Variants in FHL2 observed in about 807,000 individuals in gnomAD.
FHL2 encodes four and a half LIM domains protein 2.
A neutral mutation model predicts 32.7 loss-of-function variants in FHL2; 20 were observed. The ratio of observed to expected loss-of-function variants is 0.61; its 90% confidence interval spans 0.43 to 0.89. The LOEUF is 0.89. FHL2 is among the 40% of genes least tolerant of loss of function. The pLI is 0.00. For synonymous variants in FHL2, 123 were observed against 128.1 expected, an observed-to-expected ratio of 0.96 and a Z score of 0.27; for missense variants, 311 against 358.6, an observed-to-expected ratio of 0.87 and a Z score of 1.07.
At chr2:105,361,955 A>G (rs1395412394) in intron 6 of FHL2, among the ~76,000 whole-genome samples, 1 of 152,240 alleles carries the variant, frequency 6.6e-6, no homozygotes, top group Non-Finnish European at 1.5e-5. Context: ...AGAAAGCTGC[A>G]GACAGATAGA....
chr2:105,434,140 T>C, intron 1 of FHL2, among the ~76,000 whole-genome samples: 1 of 152,372 alleles, frequency 6.6e-6, no homozygotes, highest in East Asian at 1.9e-4. Flanking sequence ...CCAAGTATTT[T>C]AAAACATTCA....
In FHL2 at chr2:105,398,970, G is replaced by A. The variant is rs773979088; in HGVS notation, c.-204C>T. The A allele has an allele frequency of 1.3e-6, 2 of 1,528,886 alleles. No homozygotes were observed. Among genetic ancestry groups the A allele is most frequent in the Admixed American group, 2.1e-5 (1 of 47,250 alleles). The allele number at this position is 1,528,886 out of a possible 1,614,324, so 94.7% of individuals were successfully genotyped here. A position where few individuals can be genotyped will look rare whatever the true frequency, so the allele number is the denominator to read the frequency against. ...GGCGCAGGGGGTTGGAGGTACTCAC[G>A]GCACCGCAGCGGGCCGGGGACTCCC... On this transcript the variant is annotated 5_prime_UTR_variant, in exon 1 of 7. Transcript: ENST00000530340.
At chr2:105,400,407 C>CT (rs1683421659), upstream of FHL2, among the ~76,000 whole-genome samples, 1 of 151,782 alleles carries the variant, frequency 6.6e-6, no homozygotes, top group African/African-American at 2.4e-5. Context: ...AAACAGGACG[C>CT]TTTCCTGAAG....
intron 1 of FHL2, among the ~76,000 whole-genome samples, chr2:105,422,463 T>G (rs778986256): frequency 3.9e-5 from 6 of 151,974 alleles, no homozygotes; most frequent in Non-Finnish European, 8.8e-5. Flanking sequence ...AAGAGAAATA[T>G]TTTTTTTATT....
intron 1 of FHL2, among the ~76,000 whole-genome samples, chr2:105,405,888 T>G (rs1683615529): frequency 6.6e-6 from 1 of 152,264 alleles, no homozygotes; most frequent in African/African-American, 2.4e-5. Flanking sequence ...AAATAAAGAA[T>G]GTACCACCTC....
intron 3 of FHL2, chr2:105,385,903 G>T (rs1337840842): frequency 4.4e-6 from 1 of 229,410 alleles, no homozygotes; most frequent in Non-Finnish European, 8.4e-6. Flanking sequence ...AATCTTCCAA[G>T]GACTTTGTGC....
At chr2:105,402,030 C>T (rs996185591), upstream of FHL2, among the ~76,000 whole-genome samples, 3 of 148,292 alleles carry the variant, frequency 2.0e-5, no homozygotes, top group Admixed American at 6.8e-5. Flanking sequence ...TATATATACA[C>T]GAATATATAT....
chr2:105,379,691 A>G (rs1369762006), intron 3 of FHL2, among the ~76,000 whole-genome samples: 1 of 151,986 alleles, frequency 6.6e-6, no homozygotes, highest in Non-Finnish European at 1.5e-5. Context: ...TCGCTTTCCA[A>G]CCTGACCCTC....
chr2:105,397,881 G>GTTTTTTT (rs749684273), intron 1 of FHL2, among the ~76,000 whole-genome samples: 8 of 116,282 alleles, frequency 6.9e-5, no homozygotes, highest in Admixed American at 1.0e-4. Flanking sequence ...TTGTTTTTTT[G>GTTTTTTT]TTTTTTGTTT....
chr2:105,369,221 G>T (rs1311775858), intron 4 of FHL2, among the ~76,000 whole-genome samples: 2 of 152,192 alleles, frequency 1.3e-5, no homozygotes, highest in Non-Finnish European at 2.9e-5. Flanking sequence ...CAGAGGGACT[G>T]CCCCGCTCCA....
chr2:105,373,870 T>A, intron 3 of FHL2, 137 bp from the exon 4 acceptor site: 1 of 725,468 alleles, frequency 1.4e-6, no homozygotes, highest in Non-Finnish European at 2.3e-6. Flanking sequence ...CCCACATTCA[T>A]GCCCCAGGAC....
intron 1 of FHL2, among the ~76,000 whole-genome samples, chr2:105,407,358 C>G (rs71417354): frequency 0.15 from 22,477 of 147,392 alleles, 2,107 homozygotes; most frequent in South Asian, 0.22. Context: ...CTCCACTGCA[C>G]TCCAGCCTGG....
At chr2:105,427,457 T>C (rs1033816809) in intron 1 of FHL2, among the ~76,000 whole-genome samples, 3 of 152,070 alleles carry the variant, frequency 2.0e-5, no homozygotes, top group Admixed American at 6.6e-5. Flanking sequence ...CTTGTGAACA[T>C]GTGGAGAGGG....
chr2:105,415,925 A>G (rs1683920393), intron 1 of FHL2, among the ~76,000 whole-genome samples: 2 of 152,228 alleles, frequency 1.3e-5, no homozygotes, highest in South Asian at 4.1e-4. Flanking sequence ...AGTGTTTTAT[A>G]CAATAGGAAT....
chr2:105,438,430 CAGCCCGATG>C (rs750017101), exon 1 of FHL2: 34 of 985,592 alleles, frequency 3.4e-5, no homozygotes, highest in Non-Finnish European at 4.1e-5. Flanking sequence ...TTCTGTCCTC[CAGCCCGATG>C]AGCAGGGACA....
At chr2:105,372,615 C>A (rs1413119622) in intron 4 of FHL2, among the ~76,000 whole-genome samples, 1 of 151,950 alleles carries the variant, frequency 6.6e-6, no homozygotes, top group Non-Finnish European at 1.5e-5. Flanking sequence ...ATGATGAAAC[C>A]CCATCTCTAC....
In FHL2 at chr2:105,398,987, GGGACTCCC is replaced by G; in HGVS notation, c.-229_-222del. 1 of 1,509,388 alleles carries G rather than the reference GGGACTCCC, an allele frequency of 6.6e-7. No individual in the cohort carries two copies. 93.5% of individuals were successfully genotyped at this position (1,509,388 alleles called of 1,614,324 possible). ...GTACTCACGGCACCGCAGCGGGCCG[GGGACTCCC>G]GGACGGGGCTGGAGGGCGCGGGCGG... On this transcript the variant is annotated 5_prime_UTR_variant, in exon 1 of 7. Transcript: ENST00000530340.
intron 1 of FHL2, among the ~76,000 whole-genome samples, chr2:105,412,182 G>A (rs1462354164): frequency 6.6e-6 from 1 of 152,194 alleles, no homozygotes; most frequent in Non-Finnish European, 1.5e-5. Flanking sequence ...ATGCAGCCCA[G>A]GCTTCCATAG....
intron 3 of FHL2, among the ~76,000 whole-genome samples, chr2:105,379,217 C>T (rs1473295314): frequency 2.6e-5 from 4 of 152,198 alleles, no homozygotes; most frequent in Admixed American, 6.5e-5. Flanking sequence ...ATAATGGACC[C>T]ACTACTGGCT....
Sources: gnomAD v4.1 joint callset for allele counts (sites outside exome capture counted in the v4.1 genomes callset) on GRCh38, gnomAD v4.1.1 for gene constraint, MANE v1.5 for transcripts, NCBI Gene and HGNC (gene_info 2026-07-23, HGNC 2026-07-21) for gene names.